Variants in STAU2 observed in about 807,000 individuals in gnomAD.
The protein encoded by STAU2 is double-stranded RNA-binding protein Staufen homolog 2.
Under a neutral mutation model 65.9 loss-of-function variants are expected in STAU2, and 20 were observed. The observed-to-expected ratio is 0.30, with a 90% CI of 0.21 to 0.44. The LOEUF is 0.44. Among genes scored for constraint, STAU2 ranks in the 20% least tolerant of loss-of-function variants. The probability of loss-of-function intolerance (pLI) is 1.00; values close to 1 mark genes in which losing one functional copy is unlikely to be tolerated. For missense variants in STAU2, 558 were observed against 683.9 expected, an observed-to-expected ratio of 0.82 and a Z score of 2.05; for synonymous variants, 232 against 233.9, an observed-to-expected ratio of 0.99 and a Z score of 0.07.
At chr8:73,449,130 C>G (rs995298513) in intron 13 of STAU2, among the ~76,000 whole-genome samples, 1 of 152,240 alleles carries the variant, frequency 6.6e-6, no homozygotes, top group African/African-American at 2.4e-5. Flanking sequence ...GCTCCGTGTC[C>G]CCGCAGTGGG....
chr8:73,467,388 C>T (rs547836920), intron 13 of STAU2, among the ~76,000 whole-genome samples: 9 of 152,194 alleles, frequency 5.9e-5, no homozygotes, highest in Middle Eastern at 3.4e-3. Flanking sequence ...AAAAATTAGC[C>T]GGGCATGGTG....
chr8:73,729,805 A>T (rs1037077982), intron 3 of STAU2, among the ~76,000 whole-genome samples: 2 of 152,188 alleles, frequency 1.3e-5, no homozygotes, highest in Non-Finnish European at 2.9e-5. Flanking sequence ...CATTTCATGT[A>T]GGTTATCTAA....
At chr8:73,561,842 A>G (rs1017291100) in intron 12 of STAU2, among the ~76,000 whole-genome samples, 2 of 152,208 alleles carry the variant, frequency 1.3e-5, no homozygotes, top group Admixed American at 6.5e-5. Context: ...AATCCTCACA[A>G]TGACCCTCAA....
intron 9 of STAU2, among the ~76,000 whole-genome samples, chr8:73,607,520 G>A (rs1479040073): frequency 2.0e-5 from 3 of 151,614 alleles, no homozygotes; most frequent in South Asian, 2.1e-4. Flanking sequence ...ACCTGAGGTC[G>A]GGAGTTCGAG....
intron 13 of STAU2, among the ~76,000 whole-genome samples, chr8:73,481,633 ATGTT>A (rs1326830814): frequency 6.6e-6 from 1 of 152,056 alleles, no homozygotes; most frequent in African/African-American, 2.4e-5. Context: ...AAATTGTTGT[ATGTT>A]AGTTATATAC....
chr8:73,617,145 G>T (rs1812888717), intron 7 of STAU2, 147 bp downstream of exon 7: 2 of 962,410 alleles, frequency 2.1e-6, no homozygotes, highest in Non-Finnish European at 2.9e-6. Flanking sequence ...TAGTCACCCT[G>T]CAGGAACACA....
chr8:73,429,294 G>GAGAT (rs1817071940), intron 13 of STAU2, among the ~76,000 whole-genome samples: 1 of 151,828 alleles, frequency 6.6e-6, no homozygotes, highest in African/African-American at 2.4e-5. Context: ...ACAGCCTTGT[G>GAGAT]AGATAGTTCC....
chr8:73,719,805 C>T (rs1821513248), intron 3 of STAU2, among the ~76,000 whole-genome samples: 1 of 152,152 alleles, frequency 6.6e-6, no homozygotes, highest in South Asian at 2.1e-4. Context: ...ATTCTGGTAT[C>T]CCAGTAATGC....
At chr8:73,504,164 C>A (rs1821918860) in intron 13 of STAU2, among the ~76,000 whole-genome samples, 1 of 152,048 alleles carries the variant, frequency 6.6e-6, no homozygotes, top group Non-Finnish European at 1.5e-5. Flanking sequence ...AGAAACTTTT[C>A]ACATTCATGA....
chr8:73,577,686 G>C (rs1467577808), intron 12 of STAU2, among the ~76,000 whole-genome samples: 2 of 152,064 alleles, frequency 1.3e-5, no homozygotes, highest in Admixed American at 1.3e-4. Flanking sequence ...ATGACAATAA[G>C]TCAGAGTCCC....
chr8:73,450,334 A>T (rs945131364), intron 13 of STAU2, among the ~76,000 whole-genome samples: 2 of 152,168 alleles, frequency 1.3e-5, no homozygotes, highest in African/African-American at 4.8e-5. Context: ...TTTTTATCTT[A>T]TGTAGTTTAA....
intron 12 of STAU2, among the ~76,000 whole-genome samples, chr8:73,571,002 T>G (rs969375562): frequency 6.6e-6 from 1 of 151,840 alleles, no homozygotes. Flanking sequence ...AGGAGACCCA[T>G]CTCACATGCA....
At chr8:73,660,311 TC>T (rs1231204342) in intron 6 of STAU2, among the ~76,000 whole-genome samples, 1 of 152,088 alleles carries the variant, frequency 6.6e-6, no homozygotes, top group East Asian at 1.9e-4. Flanking sequence ...ATGCCTGTAA[TC>T]CCAGCTACTC....
chr8:73,656,805 CA>C (rs936022968), intron 6 of STAU2, among the ~76,000 whole-genome samples: 3 of 151,954 alleles, frequency 2.0e-5, no homozygotes, highest in African/African-American at 7.3e-5. Context: ...CAGGCTTAAA[CA>C]AAAAAGATTT....
intron 3 of STAU2, among the ~76,000 whole-genome samples, chr8:73,737,500 A>G (rs1806519902): frequency 6.6e-6 from 1 of 152,164 alleles, no homozygotes; most frequent in African/African-American, 2.4e-5. Context: ...GGGGAAAAGA[A>G]AAAAAGTTTA....
intron 9 of STAU2, among the ~76,000 whole-genome samples, chr8:73,604,944 C>T (rs536252918): frequency 6.6e-6 from 1 of 152,068 alleles, no homozygotes; most frequent in East Asian, 1.9e-4. Context: ...AACCCATGCA[C>T]AGTAGCTCAT....
chr8:73,511,032 G>A (rs1043520729), intron 13 of STAU2, among the ~76,000 whole-genome samples: 1 of 152,262 alleles, frequency 6.6e-6, no homozygotes, highest in Non-Finnish European at 1.5e-5. Flanking sequence ...GACCACTGAA[G>A]GCAGTGTGGG....
At chr8:73,498,734 C>G (rs1821573372) in intron 13 of STAU2, among the ~76,000 whole-genome samples, 1 of 151,740 alleles carries the variant, frequency 6.6e-6, no homozygotes, top group Admixed American at 6.6e-5. Flanking sequence ...CCCAAGGCAA[C>G]CCAGCAAGTG....
intron 13 of STAU2, among the ~76,000 whole-genome samples, chr8:73,463,799 A>T (rs1433030396): frequency 6.6e-6 from 1 of 152,196 alleles, no homozygotes; most frequent in Admixed American, 6.5e-5. Flanking sequence ...GAGGATATTC[A>T]TGAACTGTGG....
Sources: allele counts gnomAD v4.1 joint callset (sites outside exome capture counted in the v4.1 genomes callset), GRCh38; gene constraint gnomAD v4.1.1; transcripts MANE v1.5; gene names NCBI Gene and HGNC (gene_info 2026-07-23, HGNC 2026-07-21).